Variants in WWOX observed in about 807,000 individuals in gnomAD.
The protein encoded by WWOX is WW domain containing oxidoreductase, also known as WW domain-containing oxidoreductase.
Under a neutral mutation model 46.2 loss-of-function variants are expected in WWOX, and 69 were observed. That is an observed-to-expected ratio of 1.49 (90% CI 1.23 to 1.82). The LOEUF (loss-of-function observed/expected upper bound fraction) is 1.82. Among genes scored for constraint, WWOX ranks in the 40% most tolerant of loss-of-function variants. WWOX has a pLI of 0.00. For missense variants in WWOX, 919 were observed against 542.6 expected (o/e 1.69, Z -6.89); for synonymous variants, 359 against 202.6 (o/e 1.77, Z -6.56).
At chr16:79,026,710 C>A (rs909643817) in intron 8 of WWOX, among the ~76,000 whole-genome samples, 2 of 149,716 alleles carry the variant, frequency 1.3e-5, no homozygotes, top group East Asian at 3.9e-4. Context: ...CTCCGCCTCC[C>A]GGGTTCACAC....
At chr16:78,764,473 G>C (rs771280293) in intron 8 of WWOX, among the ~76,000 whole-genome samples, 2 of 148,522 alleles carry the variant, frequency 1.3e-5, no homozygotes, top group Non-Finnish European at 3.0e-5. Context: ...GTAAAATTAA[G>C]ACTGTTTTCA....
rs1288245431 is a variant in WWOX, at chr16:78,123,442, TTTTTTTTTTTTTG to T, written c.409+8309_409+8321del. On this transcript the variant is annotated intron_variant, in intron 4 of 8. Transcript: ENST00000566780. ...TTTTTTTCTTTGTTTTTTGTTTTGT[TTTTTTTTTTTTTG>T]TTTTTTTTTTTTGTTTTTTTGAGAT... 1.8e-4 allele frequency: 9 copies of T among 48,886 alleles called. 1 individual carries two copies. The highest frequency in any genetic ancestry group is 8.5e-4 in the African/African-American group (8 of 9,358). 3.0% of individuals were successfully genotyped at this position (48,886 alleles called of 1,614,324 possible). A position where few individuals can be genotyped will look rare whatever the true frequency, so the allele number is the denominator to read the frequency against.
intron 8 of WWOX, among the ~76,000 whole-genome samples, chr16:78,750,864 C>A (rs1055906475): frequency 6.6e-6 from 1 of 152,036 alleles, no homozygotes; most frequent in South Asian, 2.1e-4. Context: ...GTGGTGTATA[C>A]GTACCACATT....
intron 8 of WWOX, among the ~76,000 whole-genome samples, chr16:78,748,642 A>G (rs2049405532): frequency 6.6e-6 from 1 of 152,206 alleles, no homozygotes; most frequent in Admixed American, 6.5e-5. Context: ...CACTGGGCCC[A>G]GATAGGAATC....
chr16:78,785,995 C>T (rs983640577), intron 8 of WWOX, among the ~76,000 whole-genome samples: 5 of 152,328 alleles, frequency 3.3e-5, no homozygotes, highest in Non-Finnish European at 7.3e-5. Context: ...CAACCTCCGC[C>T]TCCTGGGTTC....
chr16:78,561,281 T>G (rs944292268), intron 8 of WWOX, among the ~76,000 whole-genome samples: 1 of 152,202 alleles, frequency 6.6e-6, no homozygotes, highest in Non-Finnish European at 1.5e-5. Flanking sequence ...TCCTTGACTT[T>G]GATGTCTAGG....
intron 8 of WWOX, among the ~76,000 whole-genome samples, chr16:78,945,715 C>T (rs912128057): frequency 1.3e-5 from 2 of 151,780 alleles, no homozygotes; most frequent in Non-Finnish European, 2.9e-5. Context: ...CCTGCATTGT[C>T]TTGCTTCATT....
chr16:78,342,040 T>G (rs34730452), intron 5 of WWOX, among the ~76,000 whole-genome samples: 13,715 of 120,444 alleles, frequency 0.11, 4,157 homozygotes, highest in East Asian at 0.21. Flanking sequence ...GGCTTGAGCC[T>G]GGGAGATCAA....
chr16:78,158,850 C>G (rs1290691919), intron 4 of WWOX, among the ~76,000 whole-genome samples: 1 of 152,122 alleles, frequency 6.6e-6, no homozygotes, highest in Non-Finnish European at 1.5e-5. Flanking sequence ...ACAATATGAG[C>G]ACAGTACTAT....
intron 5 of WWOX, among the ~76,000 whole-genome samples, chr16:78,382,475 G>T (rs72796073): frequency 2.0e-5 from 3 of 152,132 alleles, no homozygotes; most frequent in Non-Finnish European, 4.4e-5. Context: ...ATAATTCTGG[G>T]TTATTCTAAT....
chr16:78,205,144 G>A (rs1034589952), intron 5 of WWOX, among the ~76,000 whole-genome samples: 1 of 152,150 alleles, frequency 6.6e-6, no homozygotes. Context: ...AGCTGGACAG[G>A]ATGACATGAC....
intron 8 of WWOX, among the ~76,000 whole-genome samples, chr16:78,473,254 C>G (rs1299735708): frequency 4.6e-5 from 7 of 152,154 alleles, no homozygotes; most frequent in African/African-American, 1.7e-4. Flanking sequence ...CTCAGCCTCC[C>G]AAGTGGCTTG....
intron 8 of WWOX, among the ~76,000 whole-genome samples, chr16:78,626,432 C>T (rs1168659947): frequency 6.6e-6 from 1 of 152,100 alleles, no homozygotes; most frequent in Admixed American, 6.6e-5. Flanking sequence ...CTGTAGGATG[C>T]TCCTGTGTTG....
chr16:78,575,554 G>T (rs968891535), intron 8 of WWOX, among the ~76,000 whole-genome samples: 4 of 152,006 alleles, frequency 2.6e-5, no homozygotes, highest in Non-Finnish European at 5.9e-5. Context: ...GCTTTGTTTT[G>T]GACTGGGGCA....
intron 8 of WWOX, among the ~76,000 whole-genome samples, chr16:78,595,582 C>T (rs867250169): frequency 2.0e-5 from 3 of 152,220 alleles, no homozygotes; most frequent in East Asian, 1.9e-4. Context: ...CAGAGATATA[C>T]GGTGTCCTTA....
chr16:78,489,586 A>C (rs553110682), intron 8 of WWOX, among the ~76,000 whole-genome samples: 3 of 152,238 alleles, frequency 2.0e-5, no homozygotes, highest in South Asian at 2.1e-4. Flanking sequence ...TTTAAACTGA[A>C]TTTGGACAGG....
chr16:78,726,342 C>G (rs1036774968), intron 8 of WWOX, among the ~76,000 whole-genome samples: 6 of 151,872 alleles, frequency 4.0e-5, no homozygotes, highest in Non-Finnish European at 8.8e-5. Flanking sequence ...TTCCCCACCT[C>G]AGCCTCCCGG....
chr16:78,494,357 A>C (rs948670628), intron 8 of WWOX, among the ~76,000 whole-genome samples: 3 of 152,216 alleles, frequency 2.0e-5, no homozygotes, highest in African/African-American at 7.2e-5. Context: ...GGGTGGGGAC[A>C]CAGAGCCAAA....
At chr16:78,371,350 T>C (rs1348891260) in intron 5 of WWOX, among the ~76,000 whole-genome samples, 1 of 152,182 alleles carries the variant, frequency 6.6e-6, no homozygotes, top group Non-Finnish European at 1.5e-5. Flanking sequence ...AGTGTACTTT[T>C]TGTGATGGCA....
Sources: allele counts gnomAD v4.1 joint callset (sites outside exome capture counted in the v4.1 genomes callset), GRCh38; gene constraint gnomAD v4.1.1; transcripts MANE v1.5; gene names NCBI Gene and HGNC (gene_info 2026-07-23, HGNC 2026-07-21).